Variants in DOCK9 observed in about 807,000 individuals in gnomAD.
DOCK9 encodes dedicator of cytokinesis 9.
DOCK9 carries 89 observed loss-of-function variants against 263.3 expected under a neutral mutation model. The ratio of observed to expected loss-of-function variants is 0.34; its 90% CI spans 0.28 to 0.40. DOCK9 has a LOEUF of 0.40. Ranked by LOEUF, DOCK9 falls within the 10% of genes least tolerant of loss-of-function variation. DOCK9 has a pLI of 1.00. For synonymous variants in DOCK9, 976 were observed against 973.1 expected, an observed-to-expected ratio of 1.00 and a Z score of -0.06; for missense variants, 2,140 against 2,603.4, an observed-to-expected ratio of 0.82 and a Z score of 3.87.
At chr13:98,984,074 T>C (rs1310426836) in intron 1 of DOCK9, among the ~76,000 whole-genome samples, 1 of 152,208 alleles carries the variant, frequency 6.6e-6, no homozygotes, top group Non-Finnish European at 1.5e-5. Context: ...AAATTGTATG[T>C]CTGTGAGTTT....
chr13:98,887,143 A>ATTTTTTTTTTTTTTTTTTTTTTTTTTTTT (rs58434344), intron 18 of DOCK9, among the ~76,000 whole-genome samples: 1 of 95,292 alleles, frequency 1.0e-5, no homozygotes, highest in Non-Finnish European at 2.0e-5. Flanking sequence ...ATATATATAT[A>ATTTTTTTTTTTTTTTTTTTTTTTTTTTTT]TTTTTTTTTT....
At chr13:98,878,756 C>T (rs1214227544) in intron 27 of DOCK9, among the ~76,000 whole-genome samples, 2 of 152,234 alleles carry the variant, frequency 1.3e-5, no homozygotes, top group Non-Finnish European at 2.9e-5. Context: ...GAGAAACCAC[C>T]TGGCCAGGCC....
At chr13:98,923,232 C>A in intron 5 of DOCK9, 70 bp downstream of exon 5, 1 of 1,459,176 alleles carries the variant, frequency 6.9e-7, no homozygotes, top group Non-Finnish European at 9.6e-7. Context: ...TCTAACTAAT[C>A]TTCTAAGTCT....
chr13:98,911,077 T>G (rs2049939133), intron 9 of DOCK9, among the ~76,000 whole-genome samples: 1 of 152,190 alleles, frequency 6.6e-6, no homozygotes, highest in South Asian at 2.1e-4. Context: ...CTGCCTGGGC[T>G]GCTCACACTG....
intron 2 of DOCK9, among the ~76,000 whole-genome samples, chr13:98,949,259 G>C (rs2057107128): frequency 1.3e-5 from 2 of 152,046 alleles, no homozygotes; most frequent in African/African-American, 2.4e-5. Context: ...TTTTTCCAGA[G>C]ACAACTGAGT....
intron 1 of DOCK9, among the ~76,000 whole-genome samples, chr13:98,964,904 C>T (rs1277230728): frequency 9.2e-5 from 14 of 152,358 alleles, no homozygotes; most frequent in Admixed American, 8.5e-4. Context: ...ATCCTGCTTC[C>T]TCTGCAAGGA....
At chr13:98,971,607 C>T (rs2059739129) in intron 1 of DOCK9, among the ~76,000 whole-genome samples, 1 of 151,682 alleles carries the variant, frequency 6.6e-6, no homozygotes, top group Non-Finnish European at 1.5e-5. Context: ...ACTTGGGAGG[C>T]TGAGGCAGGA....
intron 2 of DOCK9, among the ~76,000 whole-genome samples, chr13:98,936,183 C>A (rs1197778718): frequency 2.0e-5 from 3 of 152,034 alleles, no homozygotes; most frequent in Admixed American, 2.0e-4. Context: ...ACCATGGTGA[C>A]CTTATAAACC....
chr13:98,825,994 C>CGGT lies in DOCK9; in HGVS notation c.5023+833_5023+835dup, dbSNP rs2092519506. On this transcript the variant is annotated intron_variant, in intron 44 of 52. Coordinates refer to ENST00000682017, the MANE Select transcript of DOCK9 (RefSeq NM_001366683.2). The surrounding 1 kb of genome is among the most constrained non-coding windows in gnomAD (Gnocchi z 4.1). ...AAAAGGTCTCAACAGGAAATAGTAC[C>CGGT]GGTATTAAATGAACATGGAGCCCTT... The CGGT allele has an allele frequency of 8.7e-6, 12 of 1,382,782 alleles. No homozygotes were observed. Among genetic ancestry groups the CGGT allele is most frequent in the Non-Finnish European group, 1.1e-5 (12 of 1,048,870 alleles). 85.7% of individuals were successfully genotyped at this position (1,382,782 alleles called of 1,614,324 possible).
chr13:98,944,768 C>T (rs761688234), intron 2 of DOCK9, among the ~76,000 whole-genome samples: 2 of 152,200 alleles, frequency 1.3e-5, no homozygotes, highest in African/African-American at 2.4e-5. Context: ...TTAAGGACAG[C>T]GGGGTCATGA....
At chr13:98,970,650 T>C (rs1448916519) in intron 1 of DOCK9, among the ~76,000 whole-genome samples, 1 of 152,144 alleles carries the variant, frequency 6.6e-6, no homozygotes, top group Non-Finnish European at 1.5e-5. Context: ...CTTACATTTG[T>C]CAGGAAAGGG....
intron 1 of DOCK9, among the ~76,000 whole-genome samples, chr13:99,050,468 G>A (rs1202739231): frequency 6.6e-6 from 1 of 152,174 alleles, no homozygotes; most frequent in African/African-American, 2.4e-5. Context: ...GCTGAGGTGG[G>A]TGGATCACGA....
At chr13:98,863,998 A>G (rs1476396238) in intron 30 of DOCK9, among the ~76,000 whole-genome samples, 3 of 152,228 alleles carry the variant, frequency 2.0e-5, no homozygotes, top group Non-Finnish European at 2.9e-5. Context: ...TGGCTCATTA[A>G]AATGTTATTA....
At chr13:99,082,254 A>AC (rs1331890714) in intron 1 of DOCK9, among the ~76,000 whole-genome samples, 1 of 151,570 alleles carries the variant, frequency 6.6e-6, no homozygotes, top group Non-Finnish European at 1.5e-5. Flanking sequence ...GCAGTGGCTC[A>AC]CCCCTGTAAT....
chr13:98,985,176 G>A (rs1398976442), intron 1 of DOCK9, among the ~76,000 whole-genome samples: 3 of 152,168 alleles, frequency 2.0e-5, no homozygotes, highest in Admixed American at 2.0e-4. Flanking sequence ...TCTGTTTCCA[G>A]ATGAGGAAGC....
intron 36 of DOCK9, 37 bp downstream of exon 36, chr13:98,850,010 A>C: frequency 6.9e-7 from 1 of 1,453,090 alleles, no homozygotes; most frequent in Non-Finnish European, 9.5e-7. Flanking sequence ...ATCCAGGAAA[A>C]AATCAAGAGG....
intron 27 of DOCK9, among the ~76,000 whole-genome samples, chr13:98,872,413 T>C (rs1250386858): frequency 7.6e-5 from 8 of 105,122 alleles, no homozygotes; most frequent in Admixed American, 9.8e-5. Flanking sequence ...TTTTTGTTTT[T>C]TGTTTTTTTT....
intron 1 of DOCK9, among the ~76,000 whole-genome samples, chr13:98,990,481 C>G (rs552675225): frequency 1.1e-4 from 16 of 152,156 alleles, no homozygotes; most frequent in Non-Finnish European, 2.1e-4. Context: ...AACACGTTCC[C>G]CAACAACTCA....
intron 11 of DOCK9, 101 bp from the exon 12 acceptor site, chr13:98,902,592 C>A (rs79377406): frequency 1.9e-6 from 2 of 1,071,290 alleles, no homozygotes; most frequent in Non-Finnish European, 2.7e-6. Flanking sequence ...AGGACTGTTG[C>A]CATAAATTAC....
Sources: gnomAD v4.1 joint callset for allele counts (sites outside exome capture counted in the v4.1 genomes callset) on GRCh38, gnomAD v4.1.1 for gene constraint, Gnocchi (gnomAD v3.1) non-coding constraint, MANE v1.5 for transcripts, NCBI Gene and HGNC (gene_info 2026-07-23, HGNC 2026-07-21) for gene names.